Variants in CCDC73 observed in about 807,000 individuals in gnomAD.
The protein encoded by CCDC73 is coiled-coil domain containing 73, also known as coiled-coil domain-containing protein 73.
A neutral mutation model predicts 116.5 loss-of-function variants in CCDC73; 95 were observed. The ratio of observed to expected loss-of-function variants is 0.82; its 90% CI spans 0.69 to 0.97. CCDC73 has a LOEUF of 0.97. CCDC73 is among the 50% of genes least tolerant of loss of function. The pLI is 0.00. For missense variants in CCDC73, 1,066 were observed against 1,206.8 expected (o/e 0.88, Z 1.73); for synonymous variants, 398 against 401.3 (o/e 0.99, Z 0.10).
chr11:32,715,157 A>G (rs1220088165), intron 3 of CCDC73, among the ~76,000 whole-genome samples: 1 of 152,114 alleles, frequency 6.6e-6, no homozygotes, highest in Admixed American at 6.5e-5. Flanking sequence ...CAGCCCCTTA[A>G]GTGAGTAAAA....
the CCDC73 span, among the ~76,000 whole-genome samples, chr11:32,804,204 C>A: frequency 1.6e-4 from 25 of 152,220 alleles, no homozygotes; most frequent in African/African-American, 6.0e-4. Context: ...AGTGACACAA[C>A]CACAGCTCAC....
intron 13 of CCDC73, among the ~76,000 whole-genome samples, chr11:32,639,160 C>CG (rs1201691887): frequency 6.7e-6 from 1 of 149,896 alleles, no homozygotes; most frequent in Admixed American, 6.6e-5. Flanking sequence ...CCGACACCCC[C>CG]CCCAAAAAAT....
At chr11:32,665,813 T>A (rs559883880) in intron 9 of CCDC73, among the ~76,000 whole-genome samples, 7 of 152,320 alleles carry the variant, frequency 4.6e-5, no homozygotes, top group African/African-American at 1.7e-4. Flanking sequence ...TTCCTTCCCA[T>A]GTTTAGTGCT....
intron 2 of CCDC73, among the ~76,000 whole-genome samples, chr11:32,751,071 T>C (rs927208868): frequency 7.2e-5 from 11 of 152,184 alleles, no homozygotes; most frequent in South Asian, 2.1e-4. Flanking sequence ...AGGCAGCAGG[T>C]TTCCTGTCTA....
At chr11:32,698,098 C>A (rs904906696) in intron 6 of CCDC73, among the ~76,000 whole-genome samples, 1 of 146,806 alleles carries the variant, frequency 6.8e-6, no homozygotes, top group Non-Finnish European at 1.5e-5. Flanking sequence ...TATCTCAGCT[C>A]ACTGCAAGCT....
rs1850121775 is a variant in CCDC73 at position 32,735,608 on chromosome 11, C to T, written c.136-17461G>A. On this transcript the variant is annotated intron_variant, in intron 2 of 17. Coordinates refer to ENST00000335185, the MANE Select transcript of CCDC73 (RefSeq NM_001008391.4). ...CCCAAGGTAATTTATAGATTCAATG[C>T]CATCCCCATCAAGCTACCAATGACT... Among the ~76,000 whole-genome samples, 5 of 152,270 alleles carry T rather than the reference C, an allele frequency of 3.3e-5. No individual in the cohort carries two copies. In the South Asian group the frequency reaches 8.3e-4, roughly 25 times the overall value.
intron 9 of CCDC73, among the ~76,000 whole-genome samples, chr11:32,655,797 T>C (rs1444658897): frequency 6.6e-6 from 1 of 152,144 alleles, no homozygotes; most frequent in Non-Finnish European, 1.5e-5. Flanking sequence ...TCTGGCAGTG[T>C]TGTGGAGGGT....
At chr11:32,659,873 G>A (rs1855906762) in intron 9 of CCDC73, among the ~76,000 whole-genome samples, 1 of 152,080 alleles carries the variant, frequency 6.6e-6, no homozygotes, top group South Asian at 2.1e-4. Context: ...GCCAATTCAG[G>A]TATTACATGG....
At chr11:32,609,307 T>C (rs1290233958) in intron 17 of CCDC73, among the ~76,000 whole-genome samples, 2 of 152,176 alleles carry the variant, frequency 1.3e-5, no homozygotes, top group Non-Finnish European at 2.9e-5. Context: ...TTCTGCCAGA[T>C]ACCCTAAATC....
At chr11:32,791,991 T>TACACAC (rs66955881) in intron 1 of CCDC73, among the ~76,000 whole-genome samples, 2 of 145,130 alleles carry the variant, frequency 1.4e-5, no homozygotes, top group African/African-American at 5.1e-5. Context: ...CACACACACA[T>TACACAC]ACACACACAC....
chr11:32,622,133 C>G (rs2133228722), intron 14 of CCDC73, among the ~76,000 whole-genome samples: 1 of 152,280 alleles, frequency 6.6e-6, no homozygotes, highest in South Asian at 2.1e-4. Context: ...ACCAGAAATA[C>G]CATTTGACTC....
Position 32,653,169 on chromosome 11 carries a change from T to C in CCDC73, c.893A>G (p.Asn298Ser), listed in dbSNP as rs531175295. 6 of 1,612,134 alleles carry C rather than the reference T, an allele frequency of 3.7e-6. No individual in the cohort carries two copies. The highest frequency in any genetic ancestry group is 5.1e-6 in the Non-Finnish European group (6 of 1,179,168). Residue 298 changes from asparagine to serine, a missense_variant, in exon 12 of 18, where the codon AAT becomes AGT. Asn to Ser is a conservative substitution (Grantham distance 46). Transcript: ENST00000335185. ...CTTCAATTCTGCCTCCATTTCAGTA[T>C]TAGCTTGAATTTGTTGCCGAAGTAA... is the stretch of plus-strand genomic sequence containing the variant. ...QQLLRQQIQA[N>S]TEMEAELKVL...
At chr11:32,631,480 A>T (rs1449841427) in intron 14 of CCDC73, among the ~76,000 whole-genome samples, 1 of 152,212 alleles carries the variant, frequency 6.6e-6, no homozygotes, top group African/African-American at 2.4e-5. Flanking sequence ...ACATATTTCC[A>T]ATGGGTGATA....
intron 5 of CCDC73, among the ~76,000 whole-genome samples, chr11:32,699,758 A>G (rs1849792415): frequency 6.6e-6 from 1 of 152,104 alleles, no homozygotes; most frequent in African/African-American, 2.4e-5. Context: ...GAGGGTTAGC[A>G]TTAGGAGATA....
chr11:32,736,590 G>C (rs1452984617), intron 2 of CCDC73, among the ~76,000 whole-genome samples: 6 of 152,046 alleles, frequency 3.9e-5, no homozygotes, highest in South Asian at 4.1e-4. Context: ...AACCATTGTG[G>C]AAGTCAGTGT....
At chr11:32,630,307 G>C (rs1393792896) in intron 14 of CCDC73, among the ~76,000 whole-genome samples, 2 of 152,168 alleles carry the variant, frequency 1.3e-5, no homozygotes, top group African/African-American at 4.8e-5. Context: ...GCAGCCTGCT[G>C]CCTGTTTTTT....
intron 17 of CCDC73, among the ~76,000 whole-genome samples, chr11:32,608,416 C>A (rs1855382254): frequency 6.6e-6 from 1 of 151,744 alleles, no homozygotes; most frequent in Admixed American, 6.7e-5. Flanking sequence ...CTGTGAAAGT[C>A]CAAAATCCAG....
At chr11:32,785,593 C>T (rs748652764) in intron 1 of CCDC73, among the ~76,000 whole-genome samples, 14 of 151,804 alleles carry the variant, frequency 9.2e-5, no homozygotes, top group Admixed American at 1.3e-4. Context: ...TAGAGACAGA[C>T]AGGCTATCAC....
At chr11:32,797,461 TA>T (rs1040794595), upstream of CCDC73, among the ~76,000 whole-genome samples, 296 of 152,342 alleles carry the variant, frequency 1.9e-3, 1 homozygote, top group Non-Finnish European at 2.6e-3. Context: ...TAGGCCTATC[TA>T]AAAACACTTT....
Sources: allele counts gnomAD v4.1 joint callset (sites outside exome capture counted in the v4.1 genomes callset), GRCh38; gene constraint gnomAD v4.1.1; transcripts MANE v1.5; gene names NCBI Gene and HGNC (gene_info 2026-07-23, HGNC 2026-07-21).